Variants in CSRNP3 observed in about 807,000 individuals in gnomAD.
The protein encoded by CSRNP3 is cysteine and serine rich nuclear protein 3.
CSRNP3 carries 12 observed loss-of-function variants against 48.0 expected under a neutral mutation model. The observed-to-expected ratio is 0.25, with a 90% CI of 0.16 to 0.41. CSRNP3 has a LOEUF of 0.41. CSRNP3 is among the 10% of genes least tolerant of loss of function. CSRNP3 has a pLI of 1.00. For synonymous variants in CSRNP3, 263 were observed against 269.7 expected, an observed-to-expected ratio of 0.98 and a Z score of 0.24; for missense variants, 580 against 724.4, an observed-to-expected ratio of 0.80 and a Z score of 2.29.
chr2:165,598,464 A>T (rs1200407920), intron 4 of CSRNP3, among the ~76,000 whole-genome samples: 1 of 152,184 alleles, frequency 6.6e-6, no homozygotes, highest in African/African-American at 2.4e-5. Flanking sequence ...TTAATTTTAT[A>T]TGTATTCTCA....
At chr2:165,469,983 A>G (rs1333176735) in intron 1 of CSRNP3, among the ~76,000 whole-genome samples, 1 of 152,144 alleles carries the variant, frequency 6.6e-6, no homozygotes, top group African/African-American at 2.4e-5. Context: ...CTTATCCTAA[A>G]TAACTTTCTA....
chr2:165,490,913 C>T (rs1684196763), intron 1 of CSRNP3, among the ~76,000 whole-genome samples: 1 of 131,968 alleles, frequency 7.6e-6, no homozygotes, highest in Non-Finnish European at 1.6e-5. Flanking sequence ...TCCAAAACAC[C>T]AAAACCAATG....
rs968864309 is a variant in CSRNP3, at chr2:165,673,753, G to T, written c.409-2559G>T. On this transcript the variant is annotated intron_variant, in intron 5 of 6. Coordinates refer to ENST00000651982, the MANE Select transcript of CSRNP3 (RefSeq NM_001172173.2). Reference sequence around the variant, plus strand: ...TAACCATTTTTAAAAAATAGAGGTGGCTCATGCATGTAATCCCAGCACTTT... The same window carrying T: ...TAACCATTTTTAAAAAATAGAGGTGTCTCATGCATGTAATCCCAGCACTTT... Among the ~76,000 whole-genome samples the T allele has an allele frequency of 4.5e-4, 68 of 152,162 alleles. 1 individual carries two copies. The highest frequency in any genetic ancestry group is 2.9e-3 in the South Asian group (14 of 4,820).
intron 4 of CSRNP3, among the ~76,000 whole-genome samples, chr2:165,632,877 G>A (rs1327338495): frequency 3.9e-5 from 6 of 152,148 alleles, no homozygotes; most frequent in South Asian, 2.1e-4. Flanking sequence ...GTAGAAATCC[G>A]TTATATCATT....
In CSRNP3 at chr2:165,606,964, T is replaced by C. The variant is rs190164503; in HGVS notation, c.148+11751T>C. ...TGCCTTAGCTACACTCTCTTAACTT[T>C]TTTTTACATATTAAGAAAACCAATC... On this transcript the variant is annotated intron_variant, in intron 4 of 6. Transcript: ENST00000651982. 4.5e-4 allele frequency among the ~76,000 whole-genome samples: 68 copies of C among 152,248 alleles called. No individual in the cohort carries two copies. In the South Asian group the frequency reaches 5.2e-3, roughly 12 times the overall value.
At chr2:165,641,074 C>A (rs1686714384) in intron 4 of CSRNP3, among the ~76,000 whole-genome samples, 1 of 152,200 alleles carries the variant, frequency 6.6e-6, no homozygotes, top group African/African-American at 2.4e-5. Flanking sequence ...GGTTTCCAAA[C>A]TTGTGGTCAC....
chr2:165,587,377 C>G (rs533762117), intron 3 of CSRNP3, among the ~76,000 whole-genome samples: 2 of 152,324 alleles, frequency 1.3e-5, no homozygotes, highest in African/African-American at 4.8e-5. Flanking sequence ...GGAAATGATA[C>G]TGGCTTTGAA....
At chr2:165,672,044 C>T (rs1687340271) in intron 5 of CSRNP3, among the ~76,000 whole-genome samples, 1 of 152,196 alleles carries the variant, frequency 6.6e-6, no homozygotes, top group Non-Finnish European at 1.5e-5. Context: ...GTATTTTGGT[C>T]AAAGCCATTC....
chr2:165,545,347 C>A (rs919778857), intron 3 of CSRNP3, among the ~76,000 whole-genome samples: 24 of 152,200 alleles, frequency 1.6e-4, no homozygotes, highest in African/African-American at 5.5e-4. Flanking sequence ...AAAATAACAG[C>A]ATGCCTAGGT....
chr2:165,544,708 T>C lies in CSRNP3; in HGVS notation c.-24+26747T>C, dbSNP rs1026522959. 3.9e-5 allele frequency among the ~76,000 whole-genome samples: 6 copies of C among 152,246 alleles called. No individual in the cohort carries two copies. The Middle Eastern group carries it at 0.01, about 259-fold the overall frequency. On this transcript the variant is annotated intron_variant, in intron 3 of 6. Coordinates refer to ENST00000651982, the MANE Select transcript of CSRNP3 (RefSeq NM_001172173.2). The stretch of plus-strand genomic sequence containing the variant: ...AGTTTACTTGAGAACATAATAAGTT[T>C]AAAATATCCATTGTACACTCAGGTG...
intron 4 of CSRNP3, among the ~76,000 whole-genome samples, chr2:165,625,588 C>T (rs953213425): frequency 4.6e-5 from 7 of 151,404 alleles, no homozygotes; most frequent in African/African-American, 1.7e-4. Flanking sequence ...GAGCTGAGAT[C>T]ATGCCACTGC....
chr2:165,495,846 T>C (rs1288230390), intron 2 of CSRNP3, among the ~76,000 whole-genome samples: 2 of 152,040 alleles, frequency 1.3e-5, no homozygotes, highest in African/African-American at 4.8e-5. Flanking sequence ...ATAGTTTTTT[T>C]CTAGCATTAT....
intron 3 of CSRNP3, among the ~76,000 whole-genome samples, chr2:165,566,028 C>T (rs982849990): frequency 6.6e-6 from 1 of 151,914 alleles, no homozygotes; most frequent in African/African-American, 2.4e-5. Context: ...GGTTCATAGA[C>T]AAAATCTATG....
intron 3 of CSRNP3, among the ~76,000 whole-genome samples, chr2:165,555,819 T>G (rs148692317): frequency 5.8e-4 from 89 of 152,322 alleles, no homozygotes; most frequent in Non-Finnish European, 2.6e-4. Context: ...ATGTGCAATT[T>G]CATGAAGGCA....
intron 4 of CSRNP3, among the ~76,000 whole-genome samples, chr2:165,601,661 C>T (rs1019932826): frequency 2.6e-5 from 4 of 151,894 alleles, no homozygotes; most frequent in African/African-American, 9.7e-5. Context: ...TCCTTCCTTC[C>T]TTGTCTCCCT....
intron 4 of CSRNP3, 67 bp from the exon 5 acceptor site, chr2:165,657,694 C>T: frequency 6.4e-7 from 1 of 1,570,484 alleles, no homozygotes; most frequent in Admixed American, 1.7e-5. Flanking sequence ...CACCAAATGG[C>T]ATTTTCTTGG....
At chr2:165,478,664 A>G (rs1239694731) in intron 1 of CSRNP3, among the ~76,000 whole-genome samples, 2 of 152,226 alleles carry the variant, frequency 1.3e-5, no homozygotes, top group Non-Finnish European at 2.9e-5. Context: ...ACAGTCTATT[A>G]AGAAATTGAG....
At chr2:165,526,978 T>C (rs1684739755) in intron 3 of CSRNP3, among the ~76,000 whole-genome samples, 1 of 152,144 alleles carries the variant, frequency 6.6e-6, no homozygotes. Context: ...AAGAGGTTTG[T>C]TGAGATAATA....
At chr2:165,548,434 A>G (rs1473598725) in intron 3 of CSRNP3, among the ~76,000 whole-genome samples, 5 of 152,114 alleles carry the variant, frequency 3.3e-5, no homozygotes, top group African/African-American at 9.6e-5. Flanking sequence ...ATGGGAAAGT[A>G]TCCAGTAAAT....
Sources: allele counts gnomAD v4.1 joint callset (sites outside exome capture counted in the v4.1 genomes callset), GRCh38; gene constraint gnomAD v4.1.1; transcripts MANE v1.5; gene names NCBI Gene and HGNC (gene_info 2026-07-23, HGNC 2026-07-21).